Variants in PDE4B observed in about 807,000 individuals in gnomAD.
The protein encoded by PDE4B is 3',5'-cyclic-AMP phosphodiesterase 4B.
Under a neutral mutation model 82.2 loss-of-function variants are expected in PDE4B, and 20 were observed. The ratio of observed to expected loss-of-function variants is 0.24; its 90% confidence interval spans 0.17 to 0.35. The LOEUF is 0.35. PDE4B is among the 10% of genes least tolerant of loss of function. PDE4B has a pLI of 1.00. For synonymous variants in PDE4B, 320 were observed against 318.9 expected, an observed-to-expected ratio of 1.00 and a Z score of -0.04; for missense variants, 655 against 907.2, an observed-to-expected ratio of 0.72 and a Z score of 3.57.
chr1:65,991,217 A>G (rs1197702036), intron 3 of PDE4B, among the ~76,000 whole-genome samples: 1 of 151,896 alleles, frequency 6.6e-6, no homozygotes, highest in East Asian at 1.9e-4. Flanking sequence ...AGCTGGGATT[A>G]CAGGTGTGTG....
chr1:66,063,964 C>T (rs1237332339), intron 3 of PDE4B, among the ~76,000 whole-genome samples: 1 of 151,876 alleles, frequency 6.6e-6, no homozygotes, highest in East Asian at 1.9e-4. Context: ...CCTCTCACTA[C>T]TGAACATTAT....
chr1:65,908,129 A>G (rs1412518043), intron 1 of PDE4B, among the ~76,000 whole-genome samples: 5 of 152,210 alleles, frequency 3.3e-5, no homozygotes, highest in African/African-American at 1.2e-4. Flanking sequence ...AACAAAGGAC[A>G]GGTTAACTTC....
chr1:65,924,265 G>A (rs1215943271), intron 3 of PDE4B, among the ~76,000 whole-genome samples: 2 of 146,990 alleles, frequency 1.4e-5, no homozygotes, highest in South Asian at 2.2e-4. Context: ...TAGTAGAGAC[G>A]GGGTTTCACT....
intron 3 of PDE4B, among the ~76,000 whole-genome samples, chr1:66,164,755 C>CTTTTTT (rs145224852): frequency 2.3e-4 from 20 of 87,872 alleles, no homozygotes; most frequent in Non-Finnish European, 3.3e-4. Context: ...CTTTTCTTTT[C>CTTTTTT]TTTTTTTTTT....
chr1:66,283,884 C>T (rs929126538), intron 7 of PDE4B, among the ~76,000 whole-genome samples: 13 of 151,856 alleles, frequency 8.6e-5, no homozygotes, highest in Admixed American at 3.9e-4. Context: ...GGAGAGAGAG[C>T]GAGAGAAAGA....
At chr1:66,254,860 C>T (rs1270023024) in intron 4 of PDE4B, among the ~76,000 whole-genome samples, 5 of 152,088 alleles carry the variant, frequency 3.3e-5, no homozygotes, top group Non-Finnish European at 5.9e-5. Context: ...AGAATGGGTG[C>T]AATTTCTAAC....
chr1:66,181,934 G>GA (rs1297983196), intron 3 of PDE4B, among the ~76,000 whole-genome samples: 2 of 151,566 alleles, frequency 1.3e-5, no homozygotes, highest in African/African-American at 4.8e-5. Flanking sequence ...AAAATAGAGG[G>GA]AAAAAAAGAT....
chr1:66,168,302 G>A (rs1324741711), intron 3 of PDE4B, among the ~76,000 whole-genome samples: 2 of 152,080 alleles, frequency 1.3e-5, no homozygotes, highest in African/African-American at 4.8e-5. Flanking sequence ...GGGTACAGAT[G>A]ATACATATAA....
chr1:66,326,084 T>C (rs1659733039), intron 7 of PDE4B, among the ~76,000 whole-genome samples: 1 of 152,232 alleles, frequency 6.6e-6, no homozygotes, highest in African/African-American at 2.4e-5. Flanking sequence ...CATTTGTCGT[T>C]GTTTTTTAGC....
intron 7 of PDE4B, among the ~76,000 whole-genome samples, chr1:66,288,619 C>G (rs1011043217): frequency 1.3e-5 from 2 of 152,104 alleles, no homozygotes; most frequent in Non-Finnish European, 2.9e-5. Flanking sequence ...TATAAATACA[C>G]AGAATGGAAT....
At position 66,054,024 on chromosome 1, in the gene PDE4B, G is replaced by C. The variant is rs137986675; in HGVS notation, c.281+135189G>C. The stretch of plus-strand genomic sequence containing the variant: ...GGAACAGTTGGTTGGCCTAAATCCA[G>C]GTTGTGTGCTCAAGGACCTACACTT... On this transcript the variant is annotated intron_variant, in intron 3 of 16. Coordinates refer to ENST00000341517, the MANE Select transcript of PDE4B (RefSeq NM_002600.4). Among the ~76,000 whole-genome samples the C allele has an allele frequency of 3.3e-5, 5 of 152,170 alleles. No individual in the cohort carries two copies. The East Asian group carries it at 9.7e-4, about 29-fold the overall frequency.
At chr1:66,301,311 G>A (rs888203447) in intron 7 of PDE4B, among the ~76,000 whole-genome samples, 6 of 152,132 alleles carry the variant, frequency 3.9e-5, no homozygotes, top group Non-Finnish European at 8.8e-5. Flanking sequence ...TGTATTCTCA[G>A]CCCTGTAAGA....
At position 66,173,909 on chromosome 1, in the gene PDE4B, C is replaced by G. The variant is rs114963923; in HGVS notation, c.282-73551C>G. 5.5e-3 allele frequency among the ~76,000 whole-genome samples: 832 copies of G among 152,294 alleles called. 7 individuals carry two copies. Among genetic ancestry groups the G allele is most frequent in the African/African-American group, 0.019 (786 of 41,554 alleles). ...CAAAGCAATCCTCCCACCTCAGCCT[C>G]CTGAGTAGCAGGAGCCACGGGCTTG... On this transcript the variant is annotated intron_variant, in intron 3 of 16. Transcript: ENST00000341517.
Position 66,367,685 on chromosome 1 carries a change from T to C in PDE4B, c.1385-11T>C. On this transcript the variant is annotated splice_polypyrimidine_tract_variant and intron_variant, in intron 13 of 16. Transcript: ENST00000341517. ...TTTTTAATTAAGTCATCATTTGGTCTGATTTATTAGATTCAGAACTTGCTT... is the reference window on the plus strand; with the variant it reads ...TTTTTAATTAAGTCATCATTTGGTCCGATTTATTAGATTCAGAACTTGCTT... 1 of 1,597,408 alleles carries C rather than the reference T, an allele frequency of 6.3e-7. No homozygotes were observed. Among genetic ancestry groups the C allele is most frequent in the Non-Finnish European group, 8.5e-7 (1 of 1,170,966 alleles).
At chr1:66,271,642 G>A (rs1655487121) in intron 7 of PDE4B, among the ~76,000 whole-genome samples, 4 of 152,046 alleles carry the variant, frequency 2.6e-5, no homozygotes, top group Middle Eastern at 3.4e-3. Context: ...TTTTAGTTCC[G>A]GCCTTTCTTT....
chr1:66,284,724 T>C (rs537878511), intron 7 of PDE4B, among the ~76,000 whole-genome samples: 1 of 152,244 alleles, frequency 6.6e-6, no homozygotes, highest in East Asian at 1.9e-4. Flanking sequence ...GTTATTGGAA[T>C]GAAAGTCACC....
chr1:66,339,266 T>A (rs1660779173), intron 8 of PDE4B, among the ~76,000 whole-genome samples: 1 of 152,212 alleles, frequency 6.6e-6, no homozygotes, highest in Non-Finnish European at 1.5e-5. Flanking sequence ...TCTTTGTCAT[T>A]GTTTCAGTTA....
chr1:65,903,136 C>A (rs1646990133), intron 1 of PDE4B, among the ~76,000 whole-genome samples: 1 of 152,060 alleles, frequency 6.6e-6, no homozygotes, highest in South Asian at 2.1e-4. Flanking sequence ...GGTTTTCAAG[C>A]TTTTCTTTTT....
At chr1:65,881,037 A>T (rs1177634574) in intron 1 of PDE4B, among the ~76,000 whole-genome samples, 1 of 152,070 alleles carries the variant, frequency 6.6e-6, no homozygotes, top group Non-Finnish European at 1.5e-5. Flanking sequence ...AGGCCTAGGG[A>T]TGGTAACAAC....
Sources: allele counts gnomAD v4.1 joint callset (sites outside exome capture counted in the v4.1 genomes callset), GRCh38; gene constraint gnomAD v4.1.1; transcripts MANE v1.5; gene names NCBI Gene and HGNC (gene_info 2026-07-23, HGNC 2026-07-21).